TMEM94: variants seen among roughly 807,000 people sequenced by gnomAD.
The protein encoded by TMEM94 is ER Mg2+ ATPase.
TMEM94 carries 81 observed loss-of-function variants against 158.6 expected under a neutral mutation model. The ratio of observed to expected loss-of-function variants is 0.51; its 90% CI spans 0.43 to 0.61. The LOEUF (loss-of-function observed/expected upper bound fraction) is 0.61. Ranked by LOEUF, TMEM94 falls within the 20% of genes least tolerant of loss-of-function variation. The pLI is 0.00. For missense variants in TMEM94, 1,435 were observed against 1,762.0 expected (o/e 0.81, Z 3.32); for synonymous variants, 751 against 730.7 (o/e 1.03, Z -0.45).
chr17:75,476,564 TCA>T, intron 2 of TMEM94: 1 of 1,466,552 alleles, frequency 6.8e-7, no homozygotes, highest in South Asian at 1.4e-5. Flanking sequence ...GGCTTCTTGC[TCA>T]CACACTCTCA....
rs1412179115 is a variant in TMEM94 at position 75,490,972 on chromosome 17, A to G, written c.1129-77A>G. The G allele has an allele frequency of 2.4e-6, 3 of 1,254,210 alleles. No homozygotes were observed. In the African/African-American group the frequency reaches 4.5e-5, roughly 19 times the overall value. The allele number at this position is 1,254,210 out of a possible 1,614,324, so 77.7% of individuals were successfully genotyped here. ...CCCCAACTTCGTGGTGCTCCCCTGG[A>G]TTTTCCCCTAGAGGCCGTCTCCAGG... On this transcript the variant is annotated intron_variant, in intron 11 of 31. Coordinates refer to ENST00000314256, the MANE Select transcript of TMEM94 (RefSeq NM_014738.6).
In TMEM94 at chr17:75,470,420, G is replaced by T. The variant is rs144538305; in HGVS notation, c.-106-1380G>T. Among the ~76,000 whole-genome samples, 557 of 152,122 alleles carry T rather than the reference G, an allele frequency of 3.7e-3. 6 individuals are homozygous for T. The highest frequency in any genetic ancestry group is 0.013 in the African/African-American group (541 of 41,516). On this transcript the variant is annotated intron_variant, in intron 1 of 31. Transcript: ENST00000314256. Reference sequence around the variant, plus strand: ...ACTTGAGGTCAGGAGTTCAAGACCAGCCTGGCTGAGCATGGTGGCTCACGC... The same window carrying T: ...ACTTGAGGTCAGGAGTTCAAGACCATCCTGGCTGAGCATGGTGGCTCACGC...
At position 75,487,793 on chromosome 17, in the gene TMEM94, T is replaced by C; in HGVS notation, c.410-139T>C. 1 of 680,072 alleles carries C rather than the reference T, an allele frequency of 1.5e-6. No homozygotes were observed. The highest frequency in any genetic ancestry group is 2.5e-6 in the Non-Finnish European group (1 of 393,572). 42.1% of individuals were successfully genotyped at this position (680,072 alleles called of 1,614,324 possible). On this transcript the variant is annotated intron_variant, in intron 5 of 31. Coordinates refer to ENST00000314256, the MANE Select transcript of TMEM94 (RefSeq NM_014738.6). This position sits in a 1 kb window ranked among gnomAD's most constrained non-coding sequence, Gnocchi z 4.6. ...AGGCATCCTTGAAAGCAGGGAAGTG[T>C]TGGAACGAGTGGAGGGGTTTGACGC...
At chr17:75,475,192 C>T (rs1409926541) in intron 2 of TMEM94, among the ~76,000 whole-genome samples, 1 of 152,220 alleles carries the variant, frequency 6.6e-6, no homozygotes, top group African/African-American at 2.4e-5. Context: ...CTGACCCCCA[C>T]TGCCAACCTT....
At chr17:75,467,755 ATCTCCT>A (rs2050360387) in intron 1 of TMEM94, among the ~76,000 whole-genome samples, 1 of 149,178 alleles carries the variant, frequency 6.7e-6, no homozygotes, top group Non-Finnish European at 1.5e-5. Flanking sequence ...GATGGTCTCG[ATCTCCT>A]GACCTCGTGA....
chr17:75,489,279 A>G lies in TMEM94; in HGVS notation c.778A>G (p.Met260Val). 1 of 1,614,190 alleles carries G rather than the reference A, an allele frequency of 6.2e-7. No homozygotes were observed. Among genetic ancestry groups the G allele is most frequent in the Non-Finnish European group, 8.5e-7 (1 of 1,180,018 alleles). ...TTCTTTCTGCAGATGGTGCCTGGAC[A>G]TGGCCCTGTCCCGACCAGTCACTGC... Reference protein sequence around the residue: ...VIDNIRWCLDMALSRPVTALD... With the variant: ...VIDNIRWCLDVALSRPVTALD... Residue 260 changes from methionine (M) to valine (V), a missense_variant, in exon 8 of 32, where the codon ATG becomes GTG. Transcript: ENST00000314256. This position sits in a 1 kb window ranked among gnomAD's most constrained non-coding sequence, Gnocchi z 5.0.
rs749710162 is a variant in TMEM94 at position 75,492,406 on chromosome 17, G to T, written c.1597-68G>T. On this transcript the variant is annotated intron_variant, in intron 14 of 31. Coordinates refer to ENST00000314256, the MANE Select transcript of TMEM94 (RefSeq NM_014738.6). The surrounding 1 kb of genome is among the most constrained non-coding windows in gnomAD (Gnocchi z 4.4). The stretch of plus-strand genomic sequence containing the variant: ...GGAGCCCTCCCCAGCCTTGGGAGGT[G>T]GGCAGAGCCAGTGCTGGCTTCCCCA... 4.6e-6 allele frequency: 7 copies of T among 1,508,578 alleles called. No homozygotes were observed. In the African/African-American group the frequency reaches 8.4e-5, roughly 18 times the overall value. 93.4% of individuals were successfully genotyped at this position (1,508,578 alleles called of 1,614,324 possible).
chr17:75,490,295 C>T lies in TMEM94; in HGVS notation c.1016C>T (p.Ala339Val), dbSNP rs1294827780. The change falls in exon 10 of 32, where the codon GCC becomes GTC. Residue 339 changes from alanine to valine, a missense_variant. Ala to Val is a moderately conservative substitution (Grantham distance 64). Around this residue, in one of 3 missense-constraint regions of TMEM94, gnomAD observed 1,051 missense variants for 1,254.4 expected, o/e 0.84. Coordinates refer to ENST00000314256, the MANE Select transcript of TMEM94 (RefSeq NM_014738.6). The part of the protein sequence containing the change: ...LFPVLWVLAT[A>V]CGEARVLAQM... ...CCAGTCCTCTGGGTTCTGGCAACTGCCTGTGGAGAGGCCCGTGTCCTGGCC... is the reference window on the plus strand; with the variant it reads ...CCAGTCCTCTGGGTTCTGGCAACTGTCTGTGGAGAGGCCCGTGTCCTGGCC... The T allele has an allele frequency of 6.2e-7, 1 of 1,614,134 alleles. No homozygotes were observed. Among genetic ancestry groups the T allele is most frequent in the Non-Finnish European group, 8.5e-7 (1 of 1,180,028 alleles).
Position 75,495,089 on chromosome 17 carries a change from T to C in TMEM94, c.2728+55T>C. 6.3e-7 allele frequency: 1 copy of C among 1,592,074 alleles called. No individual in the cohort carries two copies. The highest frequency in any genetic ancestry group is 8.6e-7 in the Non-Finnish European group (1 of 1,168,070). On this transcript the variant is annotated intron_variant, in intron 20 of 31. Transcript: ENST00000314256. This position sits in a 1 kb window ranked among gnomAD's most constrained non-coding sequence, Gnocchi z 5.6. ...GGTGGCGGTGGGAGGATTCCCCTCCTCAGAGCCACAGCCAGGAAGAGCCTC... is the reference window on the plus strand; with the variant it reads ...GGTGGCGGTGGGAGGATTCCCCTCCCCAGAGCCACAGCCAGGAAGAGCCTC...
In TMEM94 at chr17:75,463,168, GTGTGTGTGTGTATATA is replaced by G. The variant is rs1208249232; in HGVS notation, c.-107+6419_-107+6434del. Among the ~76,000 whole-genome samples, 25 of 68,814 alleles carry G rather than the reference GTGTGTGTGTGTATATA, an allele frequency of 3.6e-4. 2 individuals are homozygous for G. The South Asian group carries it at 8.2e-3, about 23-fold the overall frequency. The allele number at this position is 68,814 out of a possible 152,430, so 45.1% of individuals were successfully genotyped here. On this transcript the variant is annotated intron_variant, in intron 1 of 31. Coordinates refer to ENST00000314256, the MANE Select transcript of TMEM94 (RefSeq NM_014738.6). The stretch of plus-strand genomic sequence containing the variant: ...TATATACACGTATATATATGTGTGT[GTGTGTGTGTGTATATA>G]TATATATATATATACAGTTTAAATT...
rs778200437 is a variant in TMEM94 at position 75,497,144 on chromosome 17, T to C, written c.3353T>C (p.Leu1118Pro). ...TCTTGCCTGGTCCAGCTGCCGCCAC[T>C]CCTGAGTACCACCGACATCCTGTGG... ...FLSCLVQLPP[L>P]LSTTDILWLS... The change falls in exon 26 of 32, where the codon CTC becomes CCC. Residue 1118 changes from leucine to proline, a missense_variant. Physicochemically the swap from Leu to Pro is moderately conservative, Grantham distance 98. Transcript: ENST00000314256. 7 of 1,614,050 alleles carry C rather than the reference T, an allele frequency of 4.3e-6. No individual in the cohort carries two copies. Among genetic ancestry groups the C allele is most frequent in the Non-Finnish European group, 5.9e-6 (7 of 1,180,002 alleles).
rs1412654382 is a variant in TMEM94, at chr17:75,487,750, G to A, written c.410-182G>A. On this transcript the variant is annotated intron_variant, in intron 5 of 31. Coordinates refer to ENST00000314256, the MANE Select transcript of TMEM94 (RefSeq NM_014738.6). The surrounding 1 kb of genome is among the most constrained non-coding windows in gnomAD (Gnocchi z 4.6). ...AGAGGCTCTGGGGCTGGAGTGGCCG[G>A]GTAGGGCTTTATAAGGGAGGCATCC... Among the ~76,000 whole-genome samples the A allele has an allele frequency of 6.6e-6, 1 of 152,142 alleles. No individual in the cohort carries two copies. Among genetic ancestry groups the A allele is most frequent in the Non-Finnish European group, 1.5e-5 (1 of 68,024 alleles).
At position 75,489,745 on chromosome 17, in the gene TMEM94, C is replaced by A; in HGVS notation, c.954+83C>A. 8.4e-7 allele frequency: 1 copy of A among 1,193,346 alleles called. No individual in the cohort carries two copies. Among genetic ancestry groups the A allele is most frequent in the Non-Finnish European group, 1.2e-6 (1 of 808,250 alleles). 73.9% of individuals were successfully genotyped at this position (1,193,346 alleles called of 1,614,324 possible). On this transcript the variant is annotated intron_variant, in intron 9 of 31. Coordinates refer to ENST00000314256, the MANE Select transcript of TMEM94 (RefSeq NM_014738.6). This position sits in a 1 kb window ranked among gnomAD's most constrained non-coding sequence, Gnocchi z 5.0. Reference sequence around the variant, plus strand: ...TCTCCTAGTACCCTGGCTGTCCCTCCCTCTCTGCAGCCCAGAGGTCCCCTC... The same window carrying A: ...TCTCCTAGTACCCTGGCTGTCCCTCACTCTCTGCAGCCCAGAGGTCCCCTC...
At chr17:75,469,426 C>T (rs1359031686) in intron 1 of TMEM94, among the ~76,000 whole-genome samples, 1 of 150,910 alleles carries the variant, frequency 6.6e-6, no homozygotes, top group Non-Finnish European at 1.5e-5. Context: ...CTCACTGGAA[C>T]CTCTGCCTCC....
chr17:75,461,806 C>T (rs1363661083), intron 1 of TMEM94, among the ~76,000 whole-genome samples: 18 of 150,054 alleles, frequency 1.2e-4, no homozygotes, highest in Admixed American at 8.0e-4. Context: ...CCCAGCTACT[C>T]GGGAGGCTGA....
At chr17:75,470,095 C>G (rs1477736614) in intron 1 of TMEM94, among the ~76,000 whole-genome samples, 1 of 152,052 alleles carries the variant, frequency 6.6e-6, no homozygotes, top group Admixed American at 6.6e-5. Context: ...GCCAATAAAC[C>G]AAGGCTTTTC....
chr17:75,482,328 A>G (rs2051226007), intron 2 of TMEM94, among the ~76,000 whole-genome samples: 1 of 152,004 alleles, frequency 6.6e-6, no homozygotes, highest in Admixed American at 6.6e-5. Context: ...CCTGGGCAAC[A>G]GAACGAGACT....
intron 1 of TMEM94, among the ~76,000 whole-genome samples, chr17:75,461,966 A>T: frequency 7.1e-6 from 1 of 140,838 alleles, no homozygotes; most frequent in Admixed American, 7.0e-5. Flanking sequence ...ATTTTTTCCT[A>T]TCTCCTATAT....
At chr17:75,497,266 C>T (rs2052788504) in intron 26 of TMEM94, 68 bp downstream of exon 26, 3 of 1,332,068 alleles carry the variant, frequency 2.3e-6, no homozygotes, top group South Asian at 2.3e-5. Flanking sequence ...CACTGTGCAG[C>T]CCCAGGAGCC....
Sources: allele counts gnomAD v4.1 joint callset (sites outside exome capture counted in the v4.1 genomes callset), GRCh38; gene constraint gnomAD v4.1.1; regional missense constraint gnomAD v4.1.1; non-coding constraint Gnocchi (gnomAD v3.1); transcripts MANE v1.5; gene names NCBI Gene and HGNC (gene_info 2026-07-23, HGNC 2026-07-21).